The following ANO2 variants were observed in gnomAD, a reference collection of about 807,000 sequenced individuals.
The protein encoded by ANO2 is anoctamin 2.
A neutral mutation model predicts 124.2 loss-of-function variants in ANO2; 101 were observed. The observed-to-expected ratio is 0.81, with a 90% CI of 0.69 to 0.96. The LOEUF (loss-of-function observed/expected upper bound fraction) is 0.96, where lower values mean the gene tolerates loss of function less well. Ranked by LOEUF, ANO2 falls within the 40% of genes least tolerant of loss-of-function variation. The pLI is 0.00. For synonymous variants in ANO2, 486 were observed against 482.5 expected (o/e 1.01, Z -0.09); for missense variants, 1,293 against 1,274.5 (o/e 1.01, Z -0.22).
chr12:5,670,644 C>T (rs1275667562), intron 14 of ANO2, among the ~76,000 whole-genome samples: 1 of 152,096 alleles, frequency 6.6e-6, no homozygotes, highest in Admixed American at 6.5e-5. Context: ...AGTTAATCCT[C>T]CCACCACACC....
chr12:5,613,828 A>T (rs1160534033), intron 17 of ANO2, among the ~76,000 whole-genome samples: 1 of 152,190 alleles, frequency 6.6e-6, no homozygotes, highest in Non-Finnish European at 1.5e-5. Flanking sequence ...AAGCCTCAGG[A>T]TCCTTTTTTC....
intron 10 of ANO2, among the ~76,000 whole-genome samples, chr12:5,755,930 C>T (rs575048485): frequency 6.6e-6 from 1 of 152,178 alleles, no homozygotes; most frequent in East Asian, 1.9e-4. Flanking sequence ...CAATTATTCC[C>T]TTAATAAGCT....
intron 3 of ANO2, among the ~76,000 whole-genome samples, chr12:5,888,854 G>GC (rs1246741956): frequency 6.6e-6 from 1 of 152,238 alleles, no homozygotes; most frequent in African/African-American, 2.4e-5. Context: ...CCACACTGGG[G>GC]CCGCAGGTGG....
intron 3 of ANO2, among the ~76,000 whole-genome samples, chr12:5,879,539 G>T (rs6489667): frequency 2.3e-4 from 35 of 152,116 alleles, no homozygotes; most frequent in East Asian, 1.2e-3. Context: ...ATATCTAGGA[G>T]GGAAACAGAC....
intron 3 of ANO2, among the ~76,000 whole-genome samples, chr12:5,868,757 C>G (rs573378053): frequency 6.6e-6 from 1 of 152,164 alleles, no homozygotes; most frequent in African/African-American, 2.4e-5. Context: ...GCATGCACAC[C>G]ACATGGAACC....
chr12:5,711,370 G>A (rs545760601), intron 14 of ANO2, among the ~76,000 whole-genome samples: 5 of 152,144 alleles, frequency 3.3e-5, no homozygotes, highest in African/African-American at 7.2e-5. Context: ...TAACAAGCCC[G>A]CTCCCTCTTC....
chr12:5,772,887 C>A (rs1167879904), intron 10 of ANO2, among the ~76,000 whole-genome samples: 1 of 152,226 alleles, frequency 6.6e-6, no homozygotes, highest in East Asian at 1.9e-4. Flanking sequence ...GGATTAAACA[C>A]GTGCTGTCAA....
chr12:5,722,438 C>T (rs1950268876), intron 14 of ANO2, among the ~76,000 whole-genome samples: 1 of 152,100 alleles, frequency 6.6e-6, no homozygotes, highest in Non-Finnish European at 1.5e-5. Context: ...ACCTGGGAGG[C>T]AGAACTTGCA....
intron 4 of ANO2, among the ~76,000 whole-genome samples, chr12:5,850,971 A>G (rs1340666880): frequency 2.6e-5 from 4 of 152,240 alleles, no homozygotes; most frequent in African/African-American, 9.6e-5. Context: ...TGCCCATATC[A>G]TAGATGAGGC....
intron 4 of ANO2, chr12:5,852,095 G>A: frequency 1.5e-6 from 1 of 668,162 alleles, no homozygotes; most frequent in Non-Finnish European, 2.7e-6. Context: ...GAAGACAGAA[G>A]AAAGAGGAGA....
At chr12:5,620,955 G>T (rs1945088420) in intron 16 of ANO2, among the ~76,000 whole-genome samples, 1 of 152,014 alleles carries the variant, frequency 6.6e-6, no homozygotes, top group Non-Finnish European at 1.5e-5. Context: ...GGTCCTCCCT[G>T]CCTGATTTGT....
At chr12:5,642,410 T>G (rs1438993735) in intron 15 of ANO2, among the ~76,000 whole-genome samples, 1 of 152,078 alleles carries the variant, frequency 6.6e-6, no homozygotes, top group Non-Finnish European at 1.5e-5. Flanking sequence ...TTTGGGCTGC[T>G]CAGGATAAAA....
At chr12:5,841,825 A>T (rs7137761) in intron 4 of ANO2, among the ~76,000 whole-genome samples, 1 of 152,226 alleles carries the variant, frequency 6.6e-6, no homozygotes, top group African/African-American at 2.4e-5. Context: ...TCTTGTCATA[A>T]CCCAGTCTTT....
At chr12:5,564,955 G>T (rs1456235224) in intron 24 of ANO2, among the ~76,000 whole-genome samples, 1 of 152,156 alleles carries the variant, frequency 6.6e-6, no homozygotes, top group Admixed American at 6.5e-5. Context: ...AAGACCGGGG[G>T]CACCCAGAGT....
At chr12:5,870,958 G>A (rs957292885) in intron 3 of ANO2, among the ~76,000 whole-genome samples, 4 of 152,226 alleles carry the variant, frequency 2.6e-5, no homozygotes, top group African/African-American at 9.7e-5. Flanking sequence ...TTTTCTGGAA[G>A]ATGGCAAAGT....
rs1439076535 is a variant in ANO2 at position 5,904,309 on chromosome 12, C to T, written c.534+16731G>A. On this transcript the variant is annotated intron_variant, in intron 3 of 24. Transcript: ENST00000682330. This position sits in a 1 kb window ranked among gnomAD's most constrained non-coding sequence, Gnocchi z 4.1. The stretch of plus-strand genomic sequence containing the variant: ...CTCCACCTGCTGGTGCCCAATACAC[C>T]ACCATTCACCTAAGGCTTTGATCCC... 6.6e-6 allele frequency among the ~76,000 whole-genome samples: 1 copy of T among 152,178 alleles called. No individual in the cohort carries two copies. Among genetic ancestry groups the T allele is most frequent in the Non-Finnish European group, 1.5e-5 (1 of 68,036 alleles).
chr12:5,623,284 T>C (rs1008082430), intron 16 of ANO2, among the ~76,000 whole-genome samples: 2 of 152,144 alleles, frequency 1.3e-5, no homozygotes, highest in African/African-American at 2.4e-5. Context: ...CTCTCTATTA[T>C]TCACGTGCCC....
chr12:5,903,682 T>C (rs1940481875), intron 3 of ANO2, among the ~76,000 whole-genome samples: 1 of 147,380 alleles, frequency 6.8e-6, no homozygotes, highest in Non-Finnish European at 1.5e-5. Flanking sequence ...TGTGTGGGTG[T>C]AGACAGCAAG....
In ANO2 at chr12:5,635,003, A is replaced by C. The variant is rs1945929197; in HGVS notation, c.1816+149T>G. 1.5e-6 allele frequency: 1 copy of C among 669,812 alleles called. No individual in the cohort carries two copies. The highest frequency in any genetic ancestry group is 3.0e-5 in the South Asian group (1 of 33,880). The allele number at this position is 669,812 out of a possible 1,614,324, so 41.5% of individuals were successfully genotyped here. On this transcript the variant is annotated intron_variant, in intron 16 of 24. Coordinates refer to ENST00000682330, the MANE Select transcript of ANO2 (RefSeq NM_001364791.2). The surrounding 1 kb of genome is among the most constrained non-coding windows in gnomAD (Gnocchi z 5.2). The stretch of plus-strand genomic sequence containing the variant: ...CCCTTTGACAGCCCTACAAATACAC[A>C]CACGTTGCACTTCCCCATTTCTCTA...
Sources: allele counts gnomAD v4.1 joint callset (sites outside exome capture counted in the v4.1 genomes callset), GRCh38; gene constraint gnomAD v4.1.1; non-coding constraint Gnocchi (gnomAD v3.1); transcripts MANE v1.5; gene names NCBI Gene and HGNC (gene_info 2026-07-23, HGNC 2026-07-21).